Variants in LOXHD1 observed in about 807,000 individuals in gnomAD.
LOXHD1 encodes lipoxygenase homology PLAT domains 1.
In LOXHD1, 205 loss-of-function variants were observed where a neutral mutation model predicts 248.2. The ratio of observed to expected loss-of-function variants is 0.83; its 90% CI spans 0.74 to 0.93. The LOEUF (loss-of-function observed/expected upper bound fraction) is 0.93, where lower values mean the gene tolerates loss of function less well. LOXHD1 is among the 40% of genes least tolerant of loss of function. LOXHD1 has a pLI of 0.00. For synonymous variants in LOXHD1, 1,113 were observed against 1,162.8 expected (o/e 0.96, Z 0.87); for missense variants, 2,930 against 2,971.6 (o/e 0.99, Z 0.33).
chr18:46,546,543 C>T (rs541281815), intron 22 of LOXHD1, among the ~76,000 whole-genome samples: 2,357 of 152,004 alleles, frequency 0.016, 33 homozygotes, highest in Middle Eastern at 0.034. Flanking sequence ...CATTCCATTT[C>T]ATTCCAACCC....
intron 32 of LOXHD1, among the ~76,000 whole-genome samples, chr18:46,521,668 G>A (rs1200791067): frequency 6.6e-6 from 1 of 152,118 alleles, no homozygotes; most frequent in Non-Finnish European, 1.5e-5. Context: ...AATGGATTCT[G>A]CCAACAACCA....
At chr18:46,620,679 G>A (rs185021812) in intron 4 of LOXHD1, among the ~76,000 whole-genome samples, 369 of 152,298 alleles carry the variant, frequency 2.4e-3, no homozygotes, top group Non-Finnish European at 3.9e-3. Flanking sequence ...GCACATTGGT[G>A]GAGAGCCACC....
At chr18:46,598,246 A>G (rs1381850913) in intron 8 of LOXHD1, among the ~76,000 whole-genome samples, 2 of 152,304 alleles carry the variant, frequency 1.3e-5, no homozygotes, top group East Asian at 1.9e-4. Flanking sequence ...GCAGAAAAGC[A>G]TTAGATAAAA....
chr18:46,573,985 A>G (rs765416576), intron 14 of LOXHD1, among the ~76,000 whole-genome samples: 1 of 152,024 alleles, frequency 6.6e-6, no homozygotes, highest in Non-Finnish European at 1.5e-5. Flanking sequence ...TCAACCCGTT[A>G]ACAGCCTCCC....
At chr18:46,519,139 C>T in intron 33 of LOXHD1, 3 of 971,702 alleles carry the variant, frequency 3.1e-6, no homozygotes, top group Non-Finnish European at 3.7e-6. Flanking sequence ...TTCTTTGGTC[C>T]CAGATTCTTA....
chr18:46,643,843 TA>T (rs544843922), intron 2 of LOXHD1, among the ~76,000 whole-genome samples: 43 of 150,992 alleles, frequency 2.8e-4, no homozygotes, highest in African/African-American at 4.6e-4. Context: ...AATCCTATTG[TA>T]AAAAAAAATA....
At chr18:46,488,246 T>G (rs950624088) in intron 38 of LOXHD1, among the ~76,000 whole-genome samples, 1 of 152,128 alleles carries the variant, frequency 6.6e-6, no homozygotes, top group Non-Finnish European at 1.5e-5. Context: ...CAGAAGGAGC[T>G]TGGGTCCCTA....
intron 21 of LOXHD1, among the ~76,000 whole-genome samples, chr18:46,551,009 T>A (rs554212881): frequency 6.6e-6 from 1 of 152,262 alleles, no homozygotes; most frequent in Admixed American, 6.5e-5. Flanking sequence ...ATAATATCAA[T>A]AGAATTGAAA....
chr18:46,591,543 A>T (rs1309494848), intron 12 of LOXHD1, among the ~76,000 whole-genome samples: 7 of 152,224 alleles, frequency 4.6e-5, no homozygotes, highest in Admixed American at 3.9e-4. Flanking sequence ...GGTAGCAGCC[A>T]ACTGGGGCTA....
At chr18:46,522,378 A>C (rs1416231770) in intron 31 of LOXHD1, 69 bp from the exon 32 acceptor site, 3 of 1,331,588 alleles carry the variant, frequency 2.3e-6, no homozygotes, top group Non-Finnish European at 3.1e-6. Flanking sequence ...ATAGACTCAC[A>C]GATTTGGAAG....
At chr18:46,484,380 G>C (rs537216365) in intron 39 of LOXHD1, among the ~76,000 whole-genome samples, 12 of 152,202 alleles carry the variant, frequency 7.9e-5, no homozygotes, top group Non-Finnish European at 1.6e-4. Context: ...CATGAGAGCT[G>C]AGCCCTCATG....
At chr18:46,630,636 G>A (rs1173654684) in intron 4 of LOXHD1, among the ~76,000 whole-genome samples, 1 of 152,188 alleles carries the variant, frequency 6.6e-6, no homozygotes, top group Non-Finnish European at 1.5e-5. Context: ...TGTGCCCAGG[G>A]CTTCCCTGAA....
intron 23 of LOXHD1, chr18:46,544,887 CT>C (rs1413129957): frequency 2.1e-6 from 1 of 472,462 alleles, no homozygotes; most frequent in Admixed American, 2.4e-5. Context: ...GAGGGACTGA[CT>C]GACTCCTCTC....
chr18:46,608,200 C>T (rs1341870609), intron 6 of LOXHD1, among the ~76,000 whole-genome samples: 1 of 152,062 alleles, frequency 6.6e-6, no homozygotes, highest in African/African-American at 2.4e-5. Context: ...TTAGGTTACC[C>T]GGAAAGAAAC....
At chr18:46,594,535 A>G (rs956205566) in intron 8 of LOXHD1, 69 bp from the exon 9 acceptor site, 14 of 1,535,186 alleles carry the variant, frequency 9.1e-6, no homozygotes, top group Non-Finnish European at 7.9e-6. Context: ...GATGTTCAGC[A>G]GGCTCCCAGC....
chr18:46,586,612 A>AT (rs1413588866), intron 12 of LOXHD1, among the ~76,000 whole-genome samples: 1 of 53,720 alleles, frequency 1.9e-5, no homozygotes, highest in Non-Finnish European at 5.7e-5. Context: ...TGCCTGGCTA[A>AT]TTTTTTTGTA....
At chr18:46,529,980 G>A (rs1351269208) in intron 28 of LOXHD1, among the ~76,000 whole-genome samples, 2 of 151,988 alleles carry the variant, frequency 1.3e-5, no homozygotes, top group African/African-American at 4.8e-5. Flanking sequence ...AAATTATTAC[G>A]AAAAACAAAA....
chr18:46,477,415 G>A lies in LOXHD1; in HGVS notation c.*57C>T. ...TTGAAGGGCTGCTGACCGCCAAGGT[G>A]GAGGGCAGAAATGTGAGATTGGGGC... is the stretch of plus-strand genomic sequence containing the variant. On this transcript the variant is annotated 3_prime_UTR_variant, in exon 41 of 41. Transcript: ENST00000642948. 6.5e-7 allele frequency: 1 copy of A among 1,530,290 alleles called. No individual in the cohort carries two copies. The highest frequency in any genetic ancestry group is 1.2e-5 in the South Asian group (1 of 80,652). The allele number at this position is 1,530,290 out of a possible 1,614,324, so 94.8% of individuals were successfully genotyped here. A position where few individuals can be genotyped will look rare whatever the true frequency, so the allele number is the denominator to read the frequency against.
In LOXHD1 at chr18:46,542,985, T is replaced by G. The variant is rs76922429; in HGVS notation, c.3620-130A>C. ...TTCCACCAAATTTAGACTGTGCAAT[T>G]ATCATCCATTGGCCACCTTTGCACA... On this transcript the variant is annotated intron_variant, in intron 23 of 40. Coordinates refer to ENST00000642948, the MANE Select transcript of LOXHD1 (RefSeq NM_001384474.1). 119,500 of 1,284,514 alleles carry G rather than the reference T, an allele frequency of 0.093. 5,862 individuals carry two copies. The highest frequency in any genetic ancestry group is 0.1 in the Non-Finnish European group (95,669 of 934,976). The allele number at this position is 1,284,514 out of a possible 1,614,324, so 79.6% of individuals were successfully genotyped here.
Sources: gnomAD v4.1 joint callset for allele counts (sites outside exome capture counted in the v4.1 genomes callset) on GRCh38, gnomAD v4.1.1 for gene constraint, MANE v1.5 for transcripts, NCBI Gene and HGNC (gene_info 2026-07-23, HGNC 2026-07-21) for gene names.